KCNB2: variants seen among roughly 807,000 people sequenced by gnomAD.
KCNB2 encodes delayed rectifier potassium channel protein.
In KCNB2, 15 loss-of-function variants were observed where a neutral mutation model predicts 61.5. The observed-to-expected ratio is 0.24, with a 90% CI of 0.16 to 0.38. The LOEUF (loss-of-function observed/expected upper bound fraction) is 0.38. Among genes scored for constraint, KCNB2 ranks in the 10% least tolerant of loss-of-function variants. The probability of loss-of-function intolerance (pLI) is 1.00; values close to 1 mark genes in which losing one functional copy is unlikely to be tolerated. For synonymous variants in KCNB2, 457 were observed against 446.0 expected (o/e 1.02, Z -0.31); for missense variants, 828 against 1,125.2 (o/e 0.74, Z 3.78).
At chr8:72,734,520 A>G (rs1181286256) in intron 2 of KCNB2, among the ~76,000 whole-genome samples, 1 of 152,212 alleles carries the variant, frequency 6.6e-6, no homozygotes, top group East Asian at 1.9e-4. Context: ...GTATTGACAC[A>G]CTGAAAAGGT....
chr8:72,809,002 A>G (rs530159429), intron 2 of KCNB2, among the ~76,000 whole-genome samples: 1 of 152,300 alleles, frequency 6.6e-6, no homozygotes, highest in South Asian at 2.1e-4. Flanking sequence ...TGAGGACAGG[A>G]TCATGAAAAA....
intron 2 of KCNB2, among the ~76,000 whole-genome samples, chr8:72,590,508 C>G (rs1472344473): frequency 6.6e-6 from 1 of 152,036 alleles, no homozygotes; most frequent in Non-Finnish European, 1.5e-5. Flanking sequence ...GCCACATGGC[C>G]CGTGAAAAGT....
At chr8:72,872,911 C>T (rs1487638565) in intron 2 of KCNB2, among the ~76,000 whole-genome samples, 1 of 152,196 alleles carries the variant, frequency 6.6e-6, no homozygotes, top group African/African-American at 2.4e-5. Flanking sequence ...AGAACGGTGT[C>T]TCCCCCAAAT....
intron 2 of KCNB2, among the ~76,000 whole-genome samples, chr8:72,869,661 C>A (rs191362554): frequency 1.3e-5 from 2 of 152,152 alleles, no homozygotes; most frequent in Admixed American, 1.3e-4. Flanking sequence ...TATCGCTTCA[C>A]ACCTAACAGA....
intron 2 of KCNB2, among the ~76,000 whole-genome samples, chr8:72,854,206 C>T (rs1010485023): frequency 6.6e-5 from 10 of 152,074 alleles, no homozygotes; most frequent in Non-Finnish European, 1.5e-4. Context: ...ATCTTGCTAC[C>T]TTTTAAATAT....
chr8:72,773,965 CAAGTT>C (rs1277811217), intron 2 of KCNB2, among the ~76,000 whole-genome samples: 3 of 152,086 alleles, frequency 2.0e-5, no homozygotes, highest in Non-Finnish European at 4.4e-5. Context: ...TCATTCAAGT[CAAGTT>C]ATTAATTATA....
At chr8:72,565,369 T>C (rs1375610697) in intron 1 of KCNB2, among the ~76,000 whole-genome samples, 1 of 152,198 alleles carries the variant, frequency 6.6e-6, no homozygotes, top group Non-Finnish European at 1.5e-5. Context: ...GTGTGTATCC[T>C]AGAAGAGAGT....
At chr8:72,608,228 G>C (rs1043627935) in intron 2 of KCNB2, among the ~76,000 whole-genome samples, 2 of 152,148 alleles carry the variant, frequency 1.3e-5, no homozygotes, top group Non-Finnish European at 2.9e-5. Context: ...GCAGATGGGG[G>C]TGGGCATTCC....
intron 2 of KCNB2, among the ~76,000 whole-genome samples, chr8:72,678,896 G>A (rs1242157408): frequency 6.6e-6 from 1 of 152,180 alleles, no homozygotes; most frequent in East Asian, 1.9e-4. Context: ...ACCTTTGTTT[G>A]CTTCTCTTTA....
rs140988503 is a variant in KCNB2, at chr8:72,705,113, A to T, written c.579+136800A>T. 1.9e-3 allele frequency among the ~76,000 whole-genome samples: 295 copies of T among 152,290 alleles called. 3 individuals are homozygous for T. Among genetic ancestry groups the T allele is most frequent in the African/African-American group, 6.6e-3 (275 of 41,566 alleles). ...GGGTGGTTTAAATCTTATTTAGCTC[A>T]GATGGACCCTCTCTTTCTGCATGAG... is the stretch of plus-strand genomic sequence containing the variant. On this transcript the variant is annotated intron_variant, in intron 2 of 2. Coordinates refer to ENST00000523207, the MANE Select transcript of KCNB2 (RefSeq NM_004770.3).
At chr8:72,787,105 CTG>C (rs1440229446) in intron 2 of KCNB2, among the ~76,000 whole-genome samples, 1 of 152,130 alleles carries the variant, frequency 6.6e-6, no homozygotes, top group Non-Finnish European at 1.5e-5. Context: ...AGGGAGTAAA[CTG>C]TGAAATGATA....
chr8:72,901,516 T>G lies in KCNB2; in HGVS notation c.580-34419T>G, dbSNP rs1481420217. Among the ~76,000 whole-genome samples the G allele has an allele frequency of 5.3e-5, 8 of 152,318 alleles. No individual in the cohort carries two copies. In the South Asian group the frequency reaches 1.0e-3, roughly 20 times the overall value. On this transcript the variant is annotated intron_variant, in intron 2 of 2. Coordinates refer to ENST00000523207, the MANE Select transcript of KCNB2 (RefSeq NM_004770.3). ...TTCTTCTATACCTTGCTTTTTTCAC[T>G]TAGTGAATACCAAAGATCACTCCAC...
At chr8:72,706,151 T>C (rs921811986) in intron 2 of KCNB2, among the ~76,000 whole-genome samples, 1 of 152,220 alleles carries the variant, frequency 6.6e-6, no homozygotes, top group Non-Finnish European at 1.5e-5. Context: ...CTGGTCAGCA[T>C]AGAGTGCAGG....
At chr8:72,841,540 C>T (rs200208853) in intron 2 of KCNB2, among the ~76,000 whole-genome samples, 4 of 152,062 alleles carry the variant, frequency 2.6e-5, no homozygotes, top group East Asian at 3.9e-4. Flanking sequence ...GCCATTTTCA[C>T]GATATTGATT....
chr8:72,851,809 T>TA lies in KCNB2; in HGVS notation c.580-84124dup, dbSNP rs34509408. 1.7e-3 allele frequency among the ~76,000 whole-genome samples: 184 copies of TA among 111,242 alleles called. 1 individual carries two copies. Among genetic ancestry groups the TA allele is most frequent in the African/African-American group, 5.8e-3 (173 of 30,030 alleles). 73.0% of individuals were successfully genotyped at this position (111,242 alleles called of 152,430 possible). On this transcript the variant is annotated intron_variant, in intron 2 of 2. Coordinates refer to ENST00000523207, the MANE Select transcript of KCNB2 (RefSeq NM_004770.3). The stretch of plus-strand genomic sequence containing the variant: ...GTTCTTTCTTCTTCCTTTTTTTTTT[T>TA]AATGTAGAAGCTGTAGGAAAAAAAA...
intron 2 of KCNB2, among the ~76,000 whole-genome samples, chr8:72,637,592 C>T (rs184617584): frequency 1.3e-5 from 2 of 152,220 alleles, no homozygotes; most frequent in African/African-American, 2.4e-5. Flanking sequence ...AGCGAAGATA[C>T]GCCCCACCGT....
chr8:72,901,786 G>A (rs1260864560), intron 2 of KCNB2, among the ~76,000 whole-genome samples: 1 of 152,272 alleles, frequency 6.6e-6, no homozygotes, highest in East Asian at 1.9e-4. Flanking sequence ...CCCTTCTGTG[G>A]AGGCTGCACT....
intron 2 of KCNB2, among the ~76,000 whole-genome samples, chr8:72,603,318 TTGC>T (rs1441570098): frequency 1.3e-5 from 2 of 152,154 alleles, no homozygotes; most frequent in African/African-American, 4.8e-5. Context: ...CCAAACCCCT[TTGC>T]TACCTGTCAT....
At chr8:72,740,573 C>A (rs1807935002) in intron 2 of KCNB2, among the ~76,000 whole-genome samples, 1 of 152,110 alleles carries the variant, frequency 6.6e-6, no homozygotes, top group African/African-American at 2.4e-5. Context: ...ATGAGAGGCC[C>A]ATGAACAAAT....
Sources: allele counts gnomAD v4.1 joint callset (sites outside exome capture counted in the v4.1 genomes callset), GRCh38; gene constraint gnomAD v4.1.1; transcripts MANE v1.5; gene names NCBI Gene and HGNC (gene_info 2026-07-23, HGNC 2026-07-21).